MRTFA: variants seen among roughly 807,000 people sequenced by gnomAD.
MRTFA encodes the protein myocardin related transcription factor A, also known as myocardin-related transcription factor A.
In MRTFA, 20 loss-of-function variants were observed where a neutral mutation model predicts 83.5. The observed-to-expected ratio is 0.24, with a 90% CI of 0.17 to 0.35. The LOEUF is 0.35. Ranked by LOEUF, MRTFA falls within the 10% of genes least tolerant of loss-of-function variation. MRTFA has a pLI of 1.00. For missense variants in MRTFA, 1,200 were observed against 1,224.7 expected (o/e 0.98, Z 0.30); for synonymous variants, 659 against 541.2 (o/e 1.22, Z -3.02).
At chr22:40,622,554 G>C (rs1197192424) in intron 1 of MRTFA, among the ~76,000 whole-genome samples, 1 of 152,050 alleles carries the variant, frequency 6.6e-6, no homozygotes, top group Admixed American at 6.6e-5. Flanking sequence ...GGGAGGCAGA[G>C]ATATGACAAA....
rs1041678910 is a variant in MRTFA, at chr22:40,463,394, T to G, written c.242-108A>C. 4 of 891,724 alleles carry G rather than the reference T, an allele frequency of 4.5e-6. No individual in the cohort carries two copies. The African/African-American group carries it at 6.7e-5, about 15-fold the overall frequency. The allele number at this position is 891,724 out of a possible 1,614,324, so 55.2% of individuals were successfully genotyped here. ...AGTCTAAAAACAGAAGGATGTAGTG[T>G]GAAAGAAGGGTCCCCTTGAAGTGCA... is the stretch of plus-strand genomic sequence containing the variant. On this transcript the variant is annotated intron_variant, in intron 3 of 14. Coordinates refer to ENST00000355630, the MANE Select transcript of MRTFA (RefSeq NM_020831.6).
At chr22:40,452,033 G>C (rs897277129) in intron 4 of MRTFA, among the ~76,000 whole-genome samples, 3 of 143,072 alleles carry the variant, frequency 2.1e-5, no homozygotes, top group Non-Finnish European at 4.5e-5. Flanking sequence ...GCCAAGGCTG[G>C]AGTGCAGTGG....
At chr22:40,463,571 G>GTCC in intron 3 of MRTFA, 3 of 344,144 alleles carry the variant, frequency 8.7e-6, no homozygotes. Context: ...AAAACACTGA[G>GTCC]TCCTCCTCCT....
chr22:40,419,095 C>T lies in MRTFA; in HGVS notation c.1643G>A (p.Gly548Asp), dbSNP rs750617558. The change falls in exon 12 of 15, where the codon GGC (glycine) becomes GAC (aspartate). Residue 548 changes from glycine (G) to aspartate (D), a missense_variant. This residue lies in a region of MRTFA where 1,107 missense variants were observed against 1,041.8 expected (regional missense o/e 1.06). Transcript: ENST00000355630. ...GGTGGGAGACACGGGGGGCGTGGAG[C>T]CCGTGCTGCCAAACTTCACCACCCC... 2 of 1,598,440 alleles carry T rather than the reference C, an allele frequency of 1.3e-6. No homozygotes were observed. The highest frequency in any genetic ancestry group is 3.4e-5 in the Admixed American group (2 of 58,176).
chr22:40,498,739 T>A (rs2054405396), intron 3 of MRTFA, among the ~76,000 whole-genome samples: 1 of 152,148 alleles, frequency 6.6e-6, no homozygotes, highest in Admixed American at 6.5e-5. Flanking sequence ...GATCTCTACC[T>A]CTCAGGAGCA....
intron 3 of MRTFA, among the ~76,000 whole-genome samples, chr22:40,468,175 C>A (rs1033793483): frequency 6.6e-6 from 1 of 152,022 alleles, no homozygotes; most frequent in African/African-American, 2.4e-5. Context: ...TGATAGGATT[C>A]GAGGGGTAAT....
intron 2 of MRTFA, among the ~76,000 whole-genome samples, chr22:40,585,283 T>TA: frequency 6.6e-6 from 1 of 152,342 alleles, no homozygotes; most frequent in Admixed American, 6.5e-5. Context: ...TAAACTTTTT[T>TA]AAAAATCACA....
chr22:40,429,622 C>T lies in MRTFA; in HGVS notation c.585G>A (p.Leu195=), dbSNP rs775048814. 1.9e-6 allele frequency: 3 copies of T among 1,614,166 alleles called. No individual in the cohort carries two copies. The highest frequency in any genetic ancestry group is 3.3e-5 in the Admixed American group (2 of 60,016). ...CCTCCTCACCAATGATGGCTTCCTT[C>T]AGGCTGGACTCAACAGGAAGGATGT... The change falls in exon 7 of 15, where the codon CTG becomes CTA. Residue 195 remains leucine, a synonymous_variant. Transcript: ENST00000355630.
At chr22:40,508,276 G>A (rs1210880651) in intron 3 of MRTFA, among the ~76,000 whole-genome samples, 2 of 151,982 alleles carry the variant, frequency 1.3e-5, no homozygotes, top group African/African-American at 4.8e-5. Context: ...TTGGGAGGCC[G>A]AGGCGGGCAG....
intron 3 of MRTFA, among the ~76,000 whole-genome samples, chr22:40,498,252 CATATATATATAT>C (rs200779719): frequency 1.3e-5 from 1 of 77,534 alleles, no homozygotes; most frequent in Non-Finnish European, 2.3e-5. Context: ...GTACACACTT[CATATATATATAT>C]ATATATATAT....
chr22:40,473,057 A>C (rs1004247126), intron 3 of MRTFA, among the ~76,000 whole-genome samples: 2 of 152,172 alleles, frequency 1.3e-5, no homozygotes, highest in African/African-American at 4.8e-5. Flanking sequence ...CTCTAGATGC[A>C]CTTCTGTGAA....
intron 3 of MRTFA, among the ~76,000 whole-genome samples, chr22:40,479,035 G>A (rs2054045353): frequency 6.6e-6 from 1 of 152,126 alleles, no homozygotes; most frequent in Non-Finnish European, 1.5e-5. Flanking sequence ...GAAGTCCTCA[G>A]TAAGGTTTTC....
intron 1 of MRTFA, among the ~76,000 whole-genome samples, chr22:40,595,435 A>G (rs954605284): frequency 6.6e-6 from 1 of 152,024 alleles, no homozygotes; most frequent in South Asian, 2.1e-4. Context: ...AATGCCTTTT[A>G]AATAAACATA....
At chr22:40,421,920 G>A (rs1399679859) in intron 9 of MRTFA, among the ~76,000 whole-genome samples, 1 of 152,218 alleles carries the variant, frequency 6.6e-6, no homozygotes, top group Admixed American at 6.5e-5. Context: ...AGGAAGGTTT[G>A]GGCAGGTGAC....
intron 2 of MRTFA, among the ~76,000 whole-genome samples, chr22:40,558,773 G>GT (rs974964258): frequency 1.4e-5 from 2 of 144,988 alleles, no homozygotes; most frequent in African/African-American, 2.5e-5. Context: ...TTTGGTTTTT[G>GT]TTTTTTTTGG....
At position 40,410,943 on chromosome 22, in the gene MRTFA, A is replaced by C; in HGVS notation, c.*447T>G. On this transcript the variant is annotated 3_prime_UTR_variant, in exon 15 of 15. Transcript: ENST00000355630. ...TTGGCAGACACAGGGAATAGGGGGT[A>C]GAGGCCCAGGCTAATTTCTCCCTTC... 1 of 234,372 alleles carries C rather than the reference A, an allele frequency of 4.3e-6. No individual in the cohort carries two copies. Among genetic ancestry groups the C allele is most frequent in the Non-Finnish European group, 8.4e-6 (1 of 119,412 alleles). The allele number at this position is 234,372 out of a possible 1,614,324, so 14.5% of individuals were successfully genotyped here. A position where few individuals can be genotyped will look rare whatever the true frequency, so the allele number is the denominator to read the frequency against.
intron 3 of MRTFA, among the ~76,000 whole-genome samples, chr22:40,540,822 C>T (rs1340223347): frequency 6.8e-6 from 1 of 148,138 alleles, no homozygotes. Flanking sequence ...CAAAAAATTC[C>T]TCTGCATTCT....
intron 3 of MRTFA, among the ~76,000 whole-genome samples, chr22:40,486,224 C>T (rs1332579792): frequency 1.3e-5 from 2 of 152,172 alleles, no homozygotes; most frequent in Non-Finnish European, 2.9e-5. Flanking sequence ...CCCACCAAGG[C>T]GTTTTCTTTA....
chr22:40,498,944 T>G (rs865949644), intron 3 of MRTFA, among the ~76,000 whole-genome samples: 65 of 152,304 alleles, frequency 4.3e-4, no homozygotes, highest in African/African-American at 1.5e-3. Flanking sequence ...GTGAATTTAA[T>G]CAATCAATCA....
Sources: allele counts gnomAD v4.1 joint callset (sites outside exome capture counted in the v4.1 genomes callset), GRCh38; gene constraint gnomAD v4.1.1; regional missense constraint gnomAD v4.1.1; transcripts MANE v1.5; gene names NCBI Gene and HGNC (gene_info 2026-07-23, HGNC 2026-07-21).